Variants in MARCHF5 observed in about 807,000 individuals in gnomAD.
The protein encoded by MARCHF5 is membrane associated ring-CH-type finger 5.
MARCHF5 carries 5 observed loss-of-function variants against 36.5 expected under a neutral mutation model. The observed-to-expected ratio is 0.14, with a 90% CI of 0.07 to 0.29. The LOEUF (loss-of-function observed/expected upper bound fraction) is 0.29. MARCHF5 is among the 10% of genes least tolerant of loss of function. MARCHF5 has a pLI of 1.00. For missense variants in MARCHF5, 179 were observed against 336.3 expected (o/e 0.53, Z 3.66); for synonymous variants, 103 against 109.9 (o/e 0.94, Z 0.39).
At chr10:92,295,411 T>A (rs371958020) in intron 1 of MARCHF5, among the ~76,000 whole-genome samples, 10,956 of 141,348 alleles carry the variant, frequency 0.078, 662 homozygotes, top group Non-Finnish European at 0.11. Context: ...TTATTTATTT[T>A]TTATTTTTTT....
chr10:92,299,626 T>C (rs1483020423), intron 1 of MARCHF5, among the ~76,000 whole-genome samples: 2 of 152,200 alleles, frequency 1.3e-5, no homozygotes, highest in Non-Finnish European at 2.9e-5. Context: ...CACATTGTAC[T>C]GTAAATTTTT....
chr10:92,349,346 C>T lies in MARCHF5; in HGVS notation c.370-3C>T. On this transcript the variant is annotated splice_polypyrimidine_tract_variant and splice_region_variant and intron_variant, in intron 3 of 5. Transcript: ENST00000358935. ...ATTCTAATATATGCTATCTGTTTCA[C>T]AGGTTGTAGGTCATAAAGAAGGTCT... 6.3e-7 allele frequency: 1 copy of T among 1,590,496 alleles called. No individual in the cohort carries two copies.
chr10:92,310,107 C>T (rs1843126143), intron 1 of MARCHF5, among the ~76,000 whole-genome samples: 1 of 152,150 alleles, frequency 6.6e-6, no homozygotes, highest in Non-Finnish European at 1.5e-5. Context: ...TCCACAAGGA[C>T]TGGAGAACCT....
rs571405652 is a variant in MARCHF5 at position 92,349,024 on chromosome 10, T to C, written c.370-325T>C. ...GACTTAGAATTATATCCCAGTTCCGTAGCCCAGTCTAACCAAATCAAATAA... is the reference window on the plus strand; with the variant it reads ...GACTTAGAATTATATCCCAGTTCCGCAGCCCAGTCTAACCAAATCAAATAA... On this transcript the variant is annotated intron_variant, in intron 3 of 5. Coordinates refer to ENST00000358935, the MANE Select transcript of MARCHF5 (RefSeq NM_017824.5). 2.6e-5 allele frequency among the ~76,000 whole-genome samples: 4 copies of C among 152,314 alleles called. No individual in the cohort carries two copies. In the East Asian group the frequency reaches 7.7e-4, roughly 29 times the overall value.
intron 1 of MARCHF5, among the ~76,000 whole-genome samples, chr10:92,293,144 G>A (rs189431718): frequency 5.5e-4 from 83 of 152,116 alleles, no homozygotes; most frequent in Admixed American, 4.3e-3. Flanking sequence ...CTGGAATGCA[G>A]TGGCAGTGGC....
chr10:92,294,122 T>G (rs983385926), intron 1 of MARCHF5, among the ~76,000 whole-genome samples: 5 of 152,206 alleles, frequency 3.3e-5, no homozygotes, highest in Non-Finnish European at 7.3e-5. Context: ...ATGTTTTAGA[T>G]ATGGCAGAAA....
chr10:92,301,308 C>T (rs1349534921), intron 1 of MARCHF5, among the ~76,000 whole-genome samples: 1 of 152,170 alleles, frequency 6.6e-6, no homozygotes, highest in Non-Finnish European at 1.5e-5. Flanking sequence ...TTTAAAGTAC[C>T]TTAGTAAAAT....
At position 92,300,516 on chromosome 10, in the gene MARCHF5, A is replaced by T. The variant is rs561342343; in HGVS notation, c.35+8987A>T. ...CTGTCTCAAAAAAAAAAAAGAGATC[A>T]TATTCTTTAGCCTGTCCTTCAGGAC... On this transcript the variant is annotated intron_variant, in intron 1 of 5. Coordinates refer to ENST00000358935, the MANE Select transcript of MARCHF5 (RefSeq NM_017824.5). 3.3e-5 allele frequency among the ~76,000 whole-genome samples: 5 copies of T among 152,014 alleles called. No individual in the cohort carries two copies. The South Asian group carries it at 1.0e-3, about 32-fold the overall frequency.
chr10:92,329,884 T>C (rs1843416045), intron 2 of MARCHF5, among the ~76,000 whole-genome samples: 1 of 152,216 alleles, frequency 6.6e-6, no homozygotes, highest in Non-Finnish European at 1.5e-5. Flanking sequence ...TTGCTCTTGT[T>C]GCCCAGGCTG....
chr10:92,307,175 CTGTGTGTGTG>C (rs376178460), intron 1 of MARCHF5, among the ~76,000 whole-genome samples: 44 of 121,886 alleles, frequency 3.6e-4, no homozygotes, highest in African/African-American at 1.3e-3. Flanking sequence ...AAGAAAACAT[CTGTGTGTGTG>C]TGTGTGTGTG....
At chr10:92,295,878 ATT>A (rs879371620) in intron 1 of MARCHF5, among the ~76,000 whole-genome samples, 1 of 144,450 alleles carries the variant, frequency 6.9e-6, no homozygotes, top group Admixed American at 6.9e-5. Context: ...TATATATGGA[ATT>A]TTTTTTTTTT....
At chr10:92,310,458 G>A (rs113087212) in intron 1 of MARCHF5, among the ~76,000 whole-genome samples, 1 of 151,832 alleles carries the variant, frequency 6.6e-6, no homozygotes, top group African/African-American at 2.4e-5. Context: ...GATCTCAATA[G>A]AATTTTATTT....
intron 2 of MARCHF5, among the ~76,000 whole-genome samples, chr10:92,325,904 C>A (rs1455611978): frequency 6.6e-6 from 1 of 152,190 alleles, no homozygotes; most frequent in Non-Finnish European, 1.5e-5. Context: ...GTCTCAAACT[C>A]CTGATCTCCA....
At chr10:92,346,932 C>T (rs1843651369) in intron 3 of MARCHF5, among the ~76,000 whole-genome samples, 1 of 152,074 alleles carries the variant, frequency 6.6e-6, no homozygotes, top group African/African-American at 2.4e-5. Context: ...GACACATAAC[C>T]CGACAAAGGA....
intron 2 of MARCHF5, among the ~76,000 whole-genome samples, chr10:92,319,297 C>CTTT (rs35540447): frequency 7.0e-5 from 10 of 142,396 alleles, no homozygotes; most frequent in South Asian, 2.2e-4. Context: ...ATCTACTTTA[C>CTTT]TTTTTTTTTT....
At chr10:92,339,624 C>T (rs1378307649) in intron 2 of MARCHF5, among the ~76,000 whole-genome samples, 1 of 151,988 alleles carries the variant, frequency 6.6e-6, no homozygotes, top group African/African-American at 2.4e-5. Context: ...GAGCCATGAT[C>T]GCACCATTGC....
At chr10:92,316,716 C>T (rs1336573400) in intron 2 of MARCHF5, among the ~76,000 whole-genome samples, 1 of 149,218 alleles carries the variant, frequency 6.7e-6, no homozygotes, top group Non-Finnish European at 1.5e-5. Flanking sequence ...GCACGTGCCA[C>T]CACACCCAGC....
At chr10:92,301,781 G>C (rs998628490) in intron 1 of MARCHF5, among the ~76,000 whole-genome samples, 2 of 152,070 alleles carry the variant, frequency 1.3e-5, no homozygotes, top group Non-Finnish European at 2.9e-5. Context: ...AATACAGGCC[G>C]GGTGCAGGGG....
rs189096816 is a variant in MARCHF5 at position 92,340,687 on chromosome 10, G to A, written c.253G>A (p.Val85Ile). 6.0e-4 allele frequency: 960 copies of A among 1,612,292 alleles called. 6 individuals are homozygous for A. In the Admixed American group the frequency reaches 9.2e-3, roughly 15 times the overall value. Residue 85 changes from valine (V) to isoleucine (I), a missense_variant, in exon 3 of 6, where the codon GTC becomes ATC. By Grantham distance (29) the Val-to-Ile change is conservative. Transcript: ENST00000358935. Reference protein sequence around the residue: ...VFPKLGPVVYVLDLADRLISK... With the variant: ...VFPKLGPVVYILDLADRLISK... ...GTGTGTTATAGGTCCAGTGGTTTAC[G>A]TCTTGGATCTTGCAGATAGACTGAT...
Sources: allele counts gnomAD v4.1 joint callset (sites outside exome capture counted in the v4.1 genomes callset), GRCh38; gene constraint gnomAD v4.1.1; transcripts MANE v1.5; gene names NCBI Gene and HGNC (gene_info 2026-07-23, HGNC 2026-07-21).